SPATS2: variants seen among roughly 807,000 people sequenced by gnomAD.
SPATS2 encodes the protein spermatogenesis associated serine rich 2, also known as spermatogenesis-associated serine-rich protein 2.
In SPATS2, 38 loss-of-function variants were observed where a neutral mutation model predicts 63.7. The ratio of observed to expected loss-of-function variants is 0.60; its 90% CI spans 0.46 to 0.78. The LOEUF (loss-of-function observed/expected upper bound fraction) is 0.78, where lower values mean the gene tolerates loss of function less well. Ranked by LOEUF, SPATS2 falls within the 30% of genes least tolerant of loss-of-function variation. The pLI is 0.00. For missense variants in SPATS2, 588 were observed against 666.2 expected (o/e 0.88, Z 1.29); for synonymous variants, 207 against 232.9 (o/e 0.89, Z 1.01).
intron 3 of SPATS2, among the ~76,000 whole-genome samples, chr12:49,483,754 C>T (rs1946244821): frequency 6.6e-6 from 1 of 152,122 alleles, no homozygotes; most frequent in Admixed American, 6.5e-5. Flanking sequence ...AAGTACAGTG[C>T]AGAGATCAGT....
chr12:49,388,674 C>G (rs1944364053), intron 2 of SPATS2, among the ~76,000 whole-genome samples: 1 of 150,800 alleles, frequency 6.6e-6, no homozygotes, highest in Admixed American at 6.6e-5. Context: ...CCATGCCTAG[C>G]CTTGAACCAC....
In SPATS2 at chr12:49,473,914, C is replaced by G. The variant is rs189556905; in HGVS notation, c.26-10676C>G. 2.0e-5 allele frequency among the ~76,000 whole-genome samples: 3 copies of G among 152,288 alleles called. No homozygotes were observed. In the East Asian group the frequency reaches 5.8e-4, roughly 29 times the overall value. On this transcript the variant is annotated intron_variant, in intron 3 of 13. Coordinates refer to ENST00000552918, the MANE Select transcript of SPATS2 (RefSeq NM_023071.4). ...TTCAGTGATTGTATTAGTCCGTTTT[C>G]CTGCTGCTGATAAAGAAAGGAAGTG...
intron 3 of SPATS2, among the ~76,000 whole-genome samples, chr12:49,472,509 A>G (rs1431649690): frequency 6.6e-6 from 1 of 151,166 alleles, no homozygotes; most frequent in African/African-American, 2.4e-5. Context: ...AGATAGAGAA[A>G]TACAACAAAT....
At chr12:49,468,476 TTTTTGTTTTTG>T (rs1001838916) in intron 3 of SPATS2, among the ~76,000 whole-genome samples, 2 of 131,826 alleles carry the variant, frequency 1.5e-5, no homozygotes, top group Non-Finnish European at 3.5e-5. Flanking sequence ...TTTGTTTTTG[TTTTTGTTTTTG>T]TTTTTTTGAG....
chr12:49,486,186 T>C (rs1289773566), intron 4 of SPATS2: 1 of 442,156 alleles, frequency 2.3e-6, no homozygotes, highest in Non-Finnish European at 4.5e-6. Context: ...TTGGTGCCTT[T>C]TGTTGTTGTT....
chr12:49,448,304 A>AT (rs1160306658), intron 2 of SPATS2, among the ~76,000 whole-genome samples: 2 of 150,666 alleles, frequency 1.3e-5, no homozygotes, highest in Non-Finnish European at 3.0e-5. Context: ...TGCCCGGCTA[A>AT]TTTTTTTTGT....
chr12:49,485,086 A>G (rs1423200909), intron 4 of SPATS2, among the ~76,000 whole-genome samples: 2 of 130,344 alleles, frequency 1.5e-5, no homozygotes, highest in African/African-American at 5.9e-5. Flanking sequence ...TTTTTTTTTG[A>G]GACGGAGTCT....
At chr12:49,398,137 A>AG (rs1419998055) in intron 2 of SPATS2, among the ~76,000 whole-genome samples, 2 of 135,844 alleles carry the variant, frequency 1.5e-5, no homozygotes, top group Admixed American at 7.2e-5. Flanking sequence ...CCCTGTCTCA[A>AG]AAAAAAAAAA....
At position 49,527,360 on chromosome 12, in the gene SPATS2, CTCA is replaced by C. The variant is rs1317478466; in HGVS notation, c.*1109_*1111del. The C allele has an allele frequency of 6.6e-6, 1 of 151,690 alleles. No individual in the cohort carries two copies. The highest frequency in any genetic ancestry group is 1.5e-5 in the Non-Finnish European group (1 of 67,970). 9.4% of individuals were successfully genotyped at this position (151,690 alleles called of 1,614,324 possible). A position where few individuals can be genotyped will look rare whatever the true frequency, so the allele number is the denominator to read the frequency against. ...TAATTAGTGTTAATCTAAGGCATTA[CTCA>C]TCAAAAAAATTGCTGCAGTCTTTAC... On this transcript the variant is annotated 3_prime_UTR_variant, in exon 14 of 14. Coordinates refer to ENST00000552918, the MANE Select transcript of SPATS2 (RefSeq NM_023071.4).
chr12:49,524,243 A>G (rs1450081865), intron 12 of SPATS2, among the ~76,000 whole-genome samples: 1 of 152,186 alleles, frequency 6.6e-6, no homozygotes, highest in Non-Finnish European at 1.5e-5. Flanking sequence ...CTTTAAAAAG[A>G]ATTTAGTAAA....
intron 2 of SPATS2, among the ~76,000 whole-genome samples, chr12:49,443,722 T>C (rs781757579): frequency 1.3e-5 from 2 of 152,214 alleles, no homozygotes; most frequent in Non-Finnish European, 2.9e-5. Context: ...GTTGTCCCAA[T>C]ACTATTTGTT....
intron 2 of SPATS2, among the ~76,000 whole-genome samples, chr12:49,436,217 G>A (rs1377298761): frequency 6.6e-6 from 1 of 150,582 alleles, no homozygotes; most frequent in Admixed American, 6.6e-5. Context: ...CAGTAGGGGC[G>A]GCCGGGCAGA....
At chr12:49,515,481 G>A (rs1242907411) in intron 10 of SPATS2, among the ~76,000 whole-genome samples, 1 of 152,184 alleles carries the variant, frequency 6.6e-6, no homozygotes, top group Non-Finnish European at 1.5e-5. Context: ...ACGGGCCAGA[G>A]GATGCAGCTT....
chr12:49,489,912 C>T (rs539331947), intron 5 of SPATS2, among the ~76,000 whole-genome samples: 1 of 152,294 alleles, frequency 6.6e-6, no homozygotes, highest in South Asian at 2.1e-4. Flanking sequence ...GATTCAGTGG[C>T]TCACCAACAG....
At chr12:49,428,073 G>A (rs2137459943) in intron 2 of SPATS2, among the ~76,000 whole-genome samples, 1 of 152,136 alleles carries the variant, frequency 6.6e-6, no homozygotes, top group African/African-American at 2.4e-5. Flanking sequence ...GGCTAACACG[G>A]TGAAACCCCG....
At chr12:49,383,463 C>T (rs1176577456) in intron 2 of SPATS2, among the ~76,000 whole-genome samples, 4 of 151,868 alleles carry the variant, frequency 2.6e-5, no homozygotes, top group Admixed American at 6.6e-5. Context: ...CTGGCTGGAG[C>T]GCAGTGACAT....
intron 2 of SPATS2, among the ~76,000 whole-genome samples, chr12:49,381,086 A>G (rs1403719849): frequency 1.3e-5 from 2 of 152,092 alleles, no homozygotes; most frequent in East Asian, 1.9e-4. Context: ...AATTTTAGCT[A>G]TCCTAGTAGA....
At chr12:49,472,627 A>G (rs1716297440) in intron 3 of SPATS2, among the ~76,000 whole-genome samples, 3 of 147,544 alleles carry the variant, frequency 2.0e-5, no homozygotes, top group African/African-American at 4.9e-5. Flanking sequence ...ATATATATAT[A>G]TAAAATATTA....
intron 2 of SPATS2, among the ~76,000 whole-genome samples, chr12:49,376,527 G>A (rs1218541672): frequency 6.6e-6 from 1 of 151,822 alleles, no homozygotes; most frequent in Non-Finnish European, 1.5e-5. Flanking sequence ...CTCCCTAGTA[G>A]CTGGGAGTAC....
Sources: allele counts gnomAD v4.1 joint callset (sites outside exome capture counted in the v4.1 genomes callset), GRCh38; gene constraint gnomAD v4.1.1; transcripts MANE v1.5; gene names NCBI Gene and HGNC (gene_info 2026-07-23, HGNC 2026-07-21).